The following MALRD1 variants were observed in gnomAD, a reference collection of about 807,000 sequenced individuals.
MALRD1 encodes MAM and LDL receptor class A domain containing 1, also known as MAM and LDL-receptor class A domain-containing protein 1.
Under a neutral mutation model 242.1 loss-of-function variants are expected in MALRD1, and 247 were observed. That is an observed-to-expected ratio of 1.02 (90% CI 0.92 to 1.13). MALRD1 has a LOEUF of 1.13. Ranked by LOEUF, MALRD1 falls within the 50% of genes most tolerant of loss-of-function variation. The pLI is 0.00. For missense variants in MALRD1, 2,989 were observed against 2,533.1 expected (o/e 1.18, Z -3.86); for synonymous variants, 995 against 866.6 (o/e 1.15, Z -2.60).
At chr10:19,167,401 C>T (rs1834740634) in intron 13 of MALRD1, among the ~76,000 whole-genome samples, 1 of 151,906 alleles carries the variant, frequency 6.6e-6, no homozygotes, top group Non-Finnish European at 1.5e-5. Flanking sequence ...AGGGAAGTTA[C>T]CGAAGCCCTC....
At chr10:19,453,831 C>G (rs372820144) in intron 29 of MALRD1, among the ~76,000 whole-genome samples, 89 of 151,540 alleles carry the variant, frequency 5.9e-4, no homozygotes, top group African/African-American at 2.1e-3. Flanking sequence ...GAGCCGAGAT[C>G]GCACCACTGC....
At chr10:19,224,455 G>GT (rs1837700178) in intron 18 of MALRD1, among the ~76,000 whole-genome samples, 1 of 151,838 alleles carries the variant, frequency 6.6e-6, no homozygotes, top group African/African-American at 2.4e-5. Context: ...CCTGGCTAAA[G>GT]TTTTTTTGTG....
In MALRD1 at chr10:19,637,446, C is replaced by G. The variant is rs565773410; in HGVS notation, c.6137+21523C>G. Among the ~76,000 whole-genome samples, 6 of 152,258 alleles carry G rather than the reference C, an allele frequency of 3.9e-5. No individual in the cohort carries two copies. The East Asian group carries it at 1.2e-3, about 29-fold the overall frequency. Reference sequence around the variant, plus strand: ...AGAAAATCAAGTTGATTAATTGTCACCAGGTAAAGTGACTTAGTCATAGAG... The same window carrying G: ...AGAAAATCAAGTTGATTAATTGTCAGCAGGTAAAGTGACTTAGTCATAGAG... On this transcript the variant is annotated intron_variant, in intron 36 of 39. Coordinates refer to ENST00000454679, the MANE Select transcript of MALRD1 (RefSeq NM_001142308.3).
chr10:19,382,583 G>T (rs1054968820), intron 26 of MALRD1, among the ~76,000 whole-genome samples: 4 of 151,998 alleles, frequency 2.6e-5, no homozygotes, highest in East Asian at 1.9e-4. Flanking sequence ...TGTAATATAG[G>T]ACTGTAGAAG....
chr10:19,254,178 G>C (rs1839411386), intron 18 of MALRD1, among the ~76,000 whole-genome samples: 1 of 151,948 alleles, frequency 6.6e-6, no homozygotes, highest in African/African-American at 2.4e-5. Flanking sequence ...CAAAAATTCT[G>C]ACTTTTCTAA....
chr10:19,303,306 AATG>A (rs1842029699), intron 21 of MALRD1, among the ~76,000 whole-genome samples: 1 of 151,708 alleles, frequency 6.6e-6, no homozygotes, highest in Non-Finnish European at 1.5e-5. Context: ...TTCATTTTAT[AATG>A]ATAAATAAAA....
intron 36 of MALRD1, among the ~76,000 whole-genome samples, chr10:19,689,326 A>C (rs1297150633): frequency 1.3e-5 from 2 of 152,138 alleles, no homozygotes; most frequent in African/African-American, 4.8e-5. Flanking sequence ...GGGAGGATAG[A>C]ATTGCATATA....
chr10:19,240,678 A>G (rs888753675), intron 18 of MALRD1, among the ~76,000 whole-genome samples: 2 of 152,062 alleles, frequency 1.3e-5, no homozygotes, highest in Admixed American at 6.6e-5. Context: ...ACTATTCACC[A>G]TAAATAAGAT....
rs186084261 is a variant in MALRD1, at chr10:19,394,667, A to G, written c.4845+5058A>G. ...GCATATTCACCACTGCCATAATCTG[A>G]AAAGATTTACAACACAGATTGAGTA... On this transcript the variant is annotated intron_variant, in intron 28 of 39. Coordinates refer to ENST00000454679, the MANE Select transcript of MALRD1 (RefSeq NM_001142308.3). Among the ~76,000 whole-genome samples, 260 of 152,292 alleles carry G rather than the reference A, an allele frequency of 1.7e-3. 3 individuals are homozygous for G. The highest frequency in any genetic ancestry group is 0.011 in the South Asian group (53 of 4,830).
chr10:19,073,965 A>C (rs944246225), intron 2 of MALRD1, among the ~76,000 whole-genome samples: 4 of 152,042 alleles, frequency 2.6e-5, no homozygotes, highest in African/African-American at 9.7e-5. Flanking sequence ...ATGGATGGAG[A>C]GATGAGAGAA....
In MALRD1 at chr10:19,734,207, C is replaced by T. The variant is rs1032117024; in HGVS notation, c.6441C>T (p.Ser2147=). 1 of 1,535,900 alleles carries T rather than the reference C, an allele frequency of 6.5e-7. No individual in the cohort carries two copies. Among genetic ancestry groups the T allele is most frequent in the Non-Finnish European group, 8.7e-7 (1 of 1,146,738 alleles). Residue 2147 remains serine (S), a synonymous_variant, in exon 40 of 40, where the codon AGC becomes AGT. Coordinates refer to ENST00000454679, the MANE Select transcript of MALRD1 (RefSeq NM_001142308.3). ...CATTATATGGCACAACATCAGGAAG[C>T]CTGGAGACCCTGTCACATCATCTCA... ...SNPLYGTTSG[S]LETLSHHLK
At chr10:19,569,638 A>C (rs904966576) in intron 33 of MALRD1, among the ~76,000 whole-genome samples, 5 of 147,706 alleles carry the variant, frequency 3.4e-5, no homozygotes, top group Admixed American at 1.4e-4. Context: ...TATATTCCAT[A>C]ATATGTATAT....
intron 21 of MALRD1, among the ~76,000 whole-genome samples, chr10:19,293,516 A>C (rs988336215): frequency 1.3e-5 from 2 of 152,192 alleles, no homozygotes; most frequent in Admixed American, 1.3e-4. Flanking sequence ...AAATTAAATC[A>C]CTTTAATTTT....
chr10:19,523,003 C>G (rs973505142), intron 31 of MALRD1, among the ~76,000 whole-genome samples: 2 of 152,166 alleles, frequency 1.3e-5, no homozygotes, highest in Non-Finnish European at 2.9e-5. Context: ...GTAGAATCAT[C>G]TTTATATCTA....
At chr10:19,630,987 G>T (rs1839871091) in intron 36 of MALRD1, among the ~76,000 whole-genome samples, 1 of 152,118 alleles carries the variant, frequency 6.6e-6, no homozygotes, top group African/African-American at 2.4e-5. Flanking sequence ...TGTCTTGACT[G>T]CCCTTTGAAA....
intron 31 of MALRD1, among the ~76,000 whole-genome samples, chr10:19,509,816 G>A (rs1833310740): frequency 1.3e-5 from 2 of 152,200 alleles, no homozygotes; most frequent in African/African-American, 2.4e-5. Flanking sequence ...ATGAAAGGGT[G>A]GGTTGCCCCT....
chr10:19,589,329 AC>A (rs1837629091), intron 33 of MALRD1, among the ~76,000 whole-genome samples: 1 of 152,168 alleles, frequency 6.6e-6, no homozygotes, highest in Non-Finnish European at 1.5e-5. Context: ...GTGACTCCAC[AC>A]CCTTGTTCCT....
At chr10:19,096,567 T>G (rs1836042651) in intron 4 of MALRD1, among the ~76,000 whole-genome samples, 1 of 152,184 alleles carries the variant, frequency 6.6e-6, no homozygotes, top group Non-Finnish European at 1.5e-5. Flanking sequence ...GATGTTCATT[T>G]GCTTTTGTTT....
intron 28 of MALRD1, among the ~76,000 whole-genome samples, chr10:19,443,635 G>A (rs1009357142): frequency 2.0e-5 from 3 of 152,232 alleles, no homozygotes; most frequent in South Asian, 2.1e-4. Context: ...GCGGTTTTGA[G>A]TGAGTTTCTT....
Sources: allele counts gnomAD v4.1 joint callset (sites outside exome capture counted in the v4.1 genomes callset), GRCh38; gene constraint gnomAD v4.1.1; transcripts MANE v1.5; gene names NCBI Gene and HGNC (gene_info 2026-07-23, HGNC 2026-07-21).